The following HECTD4 variants were observed in gnomAD, a reference collection of about 807,000 sequenced individuals.
The protein encoded by HECTD4 is HECT domain E3 ubiquitin protein ligase 4, also known as probable E3 ubiquitin-protein ligase HECTD4.
Under a neutral mutation model 471.5 loss-of-function variants are expected in HECTD4, and 114 were observed. The ratio of observed to expected loss-of-function variants is 0.24; its 90% CI spans 0.21 to 0.28. HECTD4 has a LOEUF of 0.28. Ranked by LOEUF, HECTD4 falls within the 10% of genes least tolerant of loss-of-function variation. HECTD4 has a pLI of 1.00. For missense variants in HECTD4, 3,866 were observed against 5,651.5 expected, an observed-to-expected ratio of 0.68 and a Z score of 10.13; for synonymous variants, 2,012 against 2,256.0, an observed-to-expected ratio of 0.89 and a Z score of 3.07.
At chr12:112,367,038 A>C (rs1236281811) in intron 1 of HECTD4, among the ~76,000 whole-genome samples, 1 of 150,690 alleles carries the variant, frequency 6.6e-6, no homozygotes, top group African/African-American at 2.4e-5. Context: ...GTAGTGGCTC[A>C]CGCATGTAAT....
intron 7 of HECTD4, among the ~76,000 whole-genome samples, chr12:112,298,751 G>A (rs1318147022): frequency 1.3e-5 from 2 of 151,786 alleles, no homozygotes; most frequent in South Asian, 2.1e-4. Flanking sequence ...GTGTGGTGGC[G>A]GGCGCCTGTA....
At chr12:112,345,180 G>C (rs570240396) in intron 1 of HECTD4, among the ~76,000 whole-genome samples, 6 of 152,086 alleles carry the variant, frequency 3.9e-5, no homozygotes, top group African/African-American at 1.4e-4. Flanking sequence ...TTGAGCCTAG[G>C]AGGTTGAGGC....
At chr12:112,189,484 G>A (rs978294540) in intron 60 of HECTD4, among the ~76,000 whole-genome samples, 3 of 6,740 alleles carry the variant, frequency 4.5e-4, no homozygotes, top group South Asian at 2.9e-3. Flanking sequence ...CCCGGGAGGC[G>A]GACTTGCAGT....
intron 25 of HECTD4, among the ~76,000 whole-genome samples, chr12:112,248,945 C>T (rs1000872655): frequency 6.6e-6 from 1 of 152,172 alleles, no homozygotes; most frequent in Non-Finnish European, 1.5e-5. Context: ...ATTAAATATT[C>T]ACCACACCTC....
intron 52 of HECTD4, among the ~76,000 whole-genome samples, chr12:112,205,068 G>C (rs893621282): frequency 1.3e-5 from 2 of 150,440 alleles, no homozygotes; most frequent in African/African-American, 4.9e-5. Context: ...AGGAGACAGA[G>C]GTTGCAGTGA....
chr12:112,345,253 C>G (rs2036127110), intron 1 of HECTD4, among the ~76,000 whole-genome samples: 1 of 150,742 alleles, frequency 6.6e-6, no homozygotes, highest in South Asian at 2.1e-4. Flanking sequence ...AGACCCTATC[C>G]CCTACCAAAA....
In HECTD4 at chr12:112,179,099, C is replaced by T; in HGVS notation, c.11212-17G>A. On this transcript the variant is annotated splice_polypyrimidine_tract_variant and intron_variant, in intron 63 of 75. Transcript: ENST00000682272. The surrounding 1 kb of genome is among the most constrained non-coding windows in gnomAD (Gnocchi z 4.3). ...CCTCAGGATCTGTGGAGCACAGAGGCAGCGGGGAGGCTCTCAGGTTCGCCC... is the reference window on the plus strand; with the variant it reads ...CCTCAGGATCTGTGGAGCACAGAGGTAGCGGGGAGGCTCTCAGGTTCGCCC... The T allele has an allele frequency of 6.2e-7, 1 of 1,613,874 alleles. No homozygotes were observed. Among genetic ancestry groups the T allele is most frequent in the Non-Finnish European group, 8.5e-7 (1 of 1,179,860 alleles).
intron 7 of HECTD4, among the ~76,000 whole-genome samples, chr12:112,295,003 C>T (rs1293330605): frequency 6.6e-6 from 1 of 151,968 alleles, no homozygotes; most frequent in East Asian, 1.9e-4. Context: ...CTACTGTGTG[C>T]CGGGTACTAT....
intron 8 of HECTD4, among the ~76,000 whole-genome samples, chr12:112,280,784 CTTTTTTT>C (rs569956040): frequency 1.7e-5 from 2 of 115,244 alleles, no homozygotes; most frequent in African/African-American, 3.5e-5. Context: ...GGAATAAAAA[CTTTTTTT>C]TTTTTTTTTT....
chr12:112,229,632 CAATT>C lies in HECTD4; in HGVS notation c.6519+62_6519+65del, dbSNP rs375837445. The C allele has an allele frequency of 2.5e-4, 355 of 1,444,216 alleles. 1 individual carries two copies. The African/African-American group carries it at 4.5e-3, about 18-fold the overall frequency. 89.5% of individuals were successfully genotyped at this position (1,444,216 alleles called of 1,614,324 possible). ...GGATAATACTTGTCTTACAGATGAT[CAATT>C]AATTAATGGATGCTTATATATATGG... On this transcript the variant is annotated intron_variant, in intron 41 of 75. Coordinates refer to ENST00000682272, the MANE Select transcript of HECTD4 (RefSeq NM_001388303.1).
intron 1 of HECTD4, among the ~76,000 whole-genome samples, chr12:112,342,322 T>C (rs749769485): frequency 2.8e-4 from 43 of 152,136 alleles, no homozygotes; most frequent in Non-Finnish European, 5.1e-4. Flanking sequence ...CCAGTTGTGA[T>C]AGTGCATGCC....
chr12:112,381,807 C>T lies in HECTD4; in HGVS notation c.177+145G>A. 1 of 440,874 alleles carries T rather than the reference C, an allele frequency of 2.3e-6. No homozygotes were observed. Among genetic ancestry groups the T allele is most frequent in the Non-Finnish European group, 3.6e-6 (1 of 279,342 alleles). The allele number at this position is 440,874 out of a possible 1,614,324, so 27.3% of individuals were successfully genotyped here. ...GTCCGCAGACCTGCGGCCGCGGCCC[C>T]ACCTGCCCGCCCCGCGCCCACACAC... On this transcript the variant is annotated intron_variant, in intron 1 of 75. Coordinates refer to ENST00000682272, the MANE Select transcript of HECTD4 (RefSeq NM_001388303.1). This position sits in a 1 kb window ranked among gnomAD's most constrained non-coding sequence, Gnocchi z 4.1.
intron 67 of HECTD4, among the ~76,000 whole-genome samples, chr12:112,172,037 G>T (rs2137008345): frequency 6.6e-6 from 1 of 152,292 alleles, no homozygotes; most frequent in Middle Eastern, 3.4e-3. Flanking sequence ...CCAAGTAGCT[G>T]GGATTACAGG....
In HECTD4 at chr12:112,163,962, T is replaced by C. The variant is rs1044684766; in HGVS notation, c.12701+147A>G. The C allele has an allele frequency of 4.3e-6, 4 of 934,462 alleles. No individual in the cohort carries two copies. The highest frequency in any genetic ancestry group is 6.0e-6 in the Non-Finnish European group (4 of 670,042). 57.9% of individuals were successfully genotyped at this position (934,462 alleles called of 1,614,324 possible). On this transcript the variant is annotated intron_variant, in intron 73 of 75. Coordinates refer to ENST00000682272, the MANE Select transcript of HECTD4 (RefSeq NM_001388303.1). The surrounding 1 kb of genome is among the most constrained non-coding windows in gnomAD (Gnocchi z 8.2). ...GGACCCTCTTTCTTGGCACCCACCATCCTGCCTCATCTCCCTCTCCTGGTG... is the reference window on the plus strand; with the variant it reads ...GGACCCTCTTTCTTGGCACCCACCACCCTGCCTCATCTCCCTCTCCTGGTG...
chr12:112,251,222 A>C (rs1307985659), intron 23 of HECTD4, 88 bp from the exon 24 acceptor site: 2 of 1,303,410 alleles, frequency 1.5e-6, no homozygotes, highest in East Asian at 4.6e-5. Flanking sequence ...ACTGTCCCCA[A>C]CCACAGGGTT....
intron 1 of HECTD4, chr12:112,321,735 T>C (rs896094423): frequency 3.3e-5 from 5 of 151,772 alleles, no homozygotes; most frequent in African/African-American, 9.7e-5. Context: ...TAGCTACATA[T>C]GCAAATCACT....
In HECTD4 at chr12:112,226,221, TCA is replaced by T. The variant is rs1384859230; in HGVS notation, c.6970+420_6970+421del. 7.9e-5 allele frequency among the ~76,000 whole-genome samples: 12 copies of T among 151,234 alleles called. No homozygotes were observed. The South Asian group carries it at 1.9e-3, about 24-fold the overall frequency. On this transcript the variant is annotated intron_variant, in intron 44 of 75. Coordinates refer to ENST00000682272, the MANE Select transcript of HECTD4 (RefSeq NM_001388303.1). The stretch of plus-strand genomic sequence containing the variant: ...CACACACACACACTCACACACACAC[TCA>T]CACACACACTCACACACACACATGC...
At chr12:112,233,845 GT>G (rs34779877) in intron 37 of HECTD4, among the ~76,000 whole-genome samples, 31,863 of 151,828 alleles carry the variant, frequency 0.21, 5,472 homozygotes, top group East Asian at 0.85. Context: ...TATTTTGTTT[GT>G]TTTTTTCAAA....
At position 112,210,266 on chromosome 12, in the gene HECTD4, C is replaced by A; in HGVS notation, c.7630-14G>T. 1 of 1,609,552 alleles carries A rather than the reference C, an allele frequency of 6.2e-7. No individual in the cohort carries two copies. The highest frequency in any genetic ancestry group is 1.1e-5 in the South Asian group (1 of 90,978). On this transcript the variant is annotated splice_polypyrimidine_tract_variant and intron_variant, in intron 49 of 75. Coordinates refer to ENST00000682272, the MANE Select transcript of HECTD4 (RefSeq NM_001388303.1). ...GGTTTTGGTGTTCTGGAAAGGAGAC[C>A]AAATGAAGGATTTGGAAAGACTTAC...
Sources: allele counts gnomAD v4.1 joint callset (sites outside exome capture counted in the v4.1 genomes callset), GRCh38; gene constraint gnomAD v4.1.1; non-coding constraint Gnocchi (gnomAD v3.1); transcripts MANE v1.5; gene names NCBI Gene and HGNC (gene_info 2026-07-23, HGNC 2026-07-21).